Variants in GLRA3 observed in about 807,000 individuals in gnomAD.
GLRA3 encodes glycine receptor alpha 3.
In GLRA3, 44 loss-of-function variants were observed where a neutral mutation model predicts 60.4. That is an observed-to-expected ratio of 0.73 (90% CI 0.57 to 0.94). The LOEUF is 0.94. GLRA3 is among the 40% of genes least tolerant of loss of function. The probability of loss-of-function intolerance (pLI) is 0.00; values close to 1 mark genes in which losing one functional copy is unlikely to be tolerated. For synonymous variants in GLRA3, 223 were observed against 192.9 expected, an observed-to-expected ratio of 1.16 and a Z score of -1.29; for missense variants, 508 against 564.6, an observed-to-expected ratio of 0.90 and a Z score of 1.02.
rs1188077913 is a variant in GLRA3 at position 174,656,602 on chromosome 4, A to G, written c.1116+141T>C. The G allele has an allele frequency of 1.0e-5, 5 of 496,352 alleles. No homozygotes were observed. The East Asian group carries it at 1.2e-4, about 12-fold the overall frequency. 30.7% of individuals were successfully genotyped at this position (496,352 alleles called of 1,614,324 possible). A position where few individuals can be genotyped will look rare whatever the true frequency, so the allele number is the denominator to read the frequency against. Reference sequence around the variant, plus strand: ...AAAAGAAAATACCCTTCTTAGCTGAAGGGGGATGATATTTGCTCAGCTTTC... The same window carrying G: ...AAAAGAAAATACCCTTCTTAGCTGAGGGGGGATGATATTTGCTCAGCTTTC... On this transcript the variant is annotated intron_variant, in intron 9 of 9. Coordinates refer to ENST00000274093, the MANE Select transcript of GLRA3 (RefSeq NM_006529.4).
rs920252673 is a variant in GLRA3, at chr4:174,638,997, G to A, written c.*4789C>T. The A allele has an allele frequency of 6.6e-6, 1 of 152,130 alleles. No individual in the cohort carries two copies. Among genetic ancestry groups the A allele is most frequent in the African/African-American group, 2.4e-5 (1 of 41,430 alleles). The allele number at this position is 152,130 out of a possible 1,614,324, so 9.4% of individuals were successfully genotyped here. A position where few individuals can be genotyped will look rare whatever the true frequency, so the allele number is the denominator to read the frequency against. Reference sequence around the variant, plus strand: ...CCTTAAATGTCTCCTCTTTGTTTATGTGTTAACCACAAAAACTACTGAGAA... The same window carrying A: ...CCTTAAATGTCTCCTCTTTGTTTATATGTTAACCACAAAAACTACTGAGAA... On this transcript the variant is annotated 3_prime_UTR_variant, in exon 10 of 10. Transcript: ENST00000274093.
intron 3 of GLRA3, among the ~76,000 whole-genome samples, chr4:174,755,491 A>G (rs1337607678): frequency 6.6e-6 from 1 of 152,166 alleles, no homozygotes; most frequent in South Asian, 2.1e-4. Flanking sequence ...ACAAAGCCAA[A>G]TAAAGTAGCA....
At chr4:174,771,037 A>T (rs1014262460) in intron 2 of GLRA3, among the ~76,000 whole-genome samples, 6 of 137,378 alleles carry the variant, frequency 4.4e-5, no homozygotes, top group Admixed American at 8.2e-5. Flanking sequence ...AACAATGAGA[A>T]CACATGGACA....
At chr4:174,674,061 T>C (rs1018997719) in intron 7 of GLRA3, among the ~76,000 whole-genome samples, 2 of 152,202 alleles carry the variant, frequency 1.3e-5, no homozygotes, top group Non-Finnish European at 2.9e-5. Context: ...CAGATCATCA[T>C]CTGCTGTGGA....
rs1247130354 is a variant in GLRA3 at position 174,639,366 on chromosome 4, ATGTGTATGTG to A, written c.*4410_*4419del. The A allele has an allele frequency of 3.3e-5, 3 of 91,594 alleles. No individual in the cohort carries two copies. Among genetic ancestry groups the A allele is most frequent in the Admixed American group, 1.5e-4 (1 of 6,714 alleles). 5.7% of individuals were successfully genotyped at this position (91,594 alleles called of 1,614,324 possible). A position where few individuals can be genotyped will look rare whatever the true frequency, so the allele number is the denominator to read the frequency against. On this transcript the variant is annotated 3_prime_UTR_variant, in exon 10 of 10. Transcript: ENST00000274093. ...TAAAGGAATTCATCTCATTACCAAT[ATGTGTATGTG>A]TGTGTGTGTGTGTGTGTGTGTGTGT... is the stretch of plus-strand genomic sequence containing the variant.
At chr4:174,755,969 T>A (rs2111207888) in intron 3 of GLRA3, among the ~76,000 whole-genome samples, 1 of 152,242 alleles carries the variant, frequency 6.6e-6, no homozygotes, top group African/African-American at 2.4e-5. Context: ...AGACTTCTCA[T>A]CTTGCAAGAT....
chr4:174,810,148 A>G (rs1421182376), intron 1 of GLRA3, among the ~76,000 whole-genome samples: 1 of 152,198 alleles, frequency 6.6e-6, no homozygotes, highest in East Asian at 1.9e-4. Context: ...ATGGAACATT[A>G]TAAACCAGAA....
intron 5 of GLRA3, among the ~76,000 whole-genome samples, chr4:174,709,676 T>A (rs1193213155): frequency 3.3e-5 from 5 of 152,008 alleles, no homozygotes. Context: ...GAAACTCTGT[T>A]GAGATTTGAG....
At chr4:174,661,971 C>A (rs914544946) in intron 7 of GLRA3, among the ~76,000 whole-genome samples, 9 of 152,246 alleles carry the variant, frequency 5.9e-5, no homozygotes, top group Middle Eastern at 3.4e-3. Context: ...AATTCAGTAA[C>A]CTTTAAGCAA....
At chr4:174,723,485 C>T (rs1736206268) in intron 4 of GLRA3, among the ~76,000 whole-genome samples, 1 of 152,014 alleles carries the variant, frequency 6.6e-6, no homozygotes, top group African/African-American at 2.4e-5. Context: ...TCCAATAAGA[C>T]TTAAAATAAA....
intron 1 of GLRA3, among the ~76,000 whole-genome samples, chr4:174,818,343 T>C (rs988693028): frequency 4.6e-5 from 7 of 152,224 alleles, no homozygotes; most frequent in African/African-American, 9.6e-5. Flanking sequence ...TATCAAGCTT[T>C]TCCAGTGTAA....
At position 174,829,070 on chromosome 4, in the gene GLRA3, G is replaced by T. The variant is rs1578952114; in HGVS notation, c.-259C>A. The T allele has an allele frequency of 2.4e-6, 1 of 412,424 alleles. No homozygotes were observed. Among genetic ancestry groups the T allele is most frequent in the Admixed American group, 4.0e-5 (1 of 25,080 alleles). 25.5% of individuals were successfully genotyped at this position (412,424 alleles called of 1,614,324 possible). A position where few individuals can be genotyped will look rare whatever the true frequency, so the allele number is the denominator to read the frequency against. On this transcript the variant is annotated 5_prime_UTR_variant, in exon 1 of 10. Transcript: ENST00000274093. ...CAAAAATGAGTGAGATGAAATGTCT[G>T]AAGTGCCTAGGTGCTGGGCAACAGT...
chr4:174,671,362 G>C (rs67671118), intron 7 of GLRA3, among the ~76,000 whole-genome samples: 18,259 of 152,002 alleles, frequency 0.12, 1,388 homozygotes, highest in Middle Eastern at 0.19. Flanking sequence ...CTAACACAAT[G>C]TACTCTCCTT....
intron 1 of GLRA3, among the ~76,000 whole-genome samples, chr4:174,798,046 T>C (rs1022697444): frequency 2.0e-5 from 3 of 152,192 alleles, no homozygotes; most frequent in African/African-American, 7.2e-5. Context: ...GTATCTCTGC[T>C]AAATACACCT....
chr4:174,823,575 T>C (rs1438183249), intron 1 of GLRA3, among the ~76,000 whole-genome samples: 1 of 151,960 alleles, frequency 6.6e-6, no homozygotes, highest in Non-Finnish European at 1.5e-5. Flanking sequence ...TTAATGCAAG[T>C]ATATAAATAA....
At position 174,728,541 on chromosome 4, in the gene GLRA3, T is replaced by C. The variant is rs1296753300; in HGVS notation, c.425A>G (p.His142Arg). ...CAATTTGTTGTCTGTAGTGACTTCA[T>C]GAAAGTTGGCACCCTTTTCATTGGC... ...FFANEKGANF[H>R]EVTTDNKLLR... The change falls in exon 4 of 10, where the codon CAT becomes CGT. Residue 142 changes from histidine (H) to arginine (R), a missense_variant. This residue lies in a region of GLRA3 where 329 missense variants were observed against 349.3 expected (regional missense o/e 0.94). Transcript: ENST00000274093. The C allele has an allele frequency of 6.2e-7, 1 of 1,613,592 alleles. No homozygotes were observed. The highest frequency in any genetic ancestry group is 1.1e-5 in the South Asian group (1 of 91,062).
intron 2 of GLRA3, among the ~76,000 whole-genome samples, chr4:174,772,883 TGGA>T (rs1738447692): frequency 6.6e-6 from 1 of 152,132 alleles, no homozygotes. Context: ...TGACAGTCCT[TGGA>T]GATAGATTAC....
chr4:174,645,850 A>G (rs1044864878), intron 9 of GLRA3, among the ~76,000 whole-genome samples: 1 of 152,312 alleles, frequency 6.6e-6, no homozygotes, highest in African/African-American at 2.4e-5. Flanking sequence ...TATTTGCCTT[A>G]AAGTTTTCCA....
At chr4:174,708,007 G>A (rs1185979389) in intron 5 of GLRA3, among the ~76,000 whole-genome samples, 1 of 152,128 alleles carries the variant, frequency 6.6e-6, no homozygotes, top group Non-Finnish European at 1.5e-5. Context: ...TAAGTAGCGA[G>A]TTCATTACTG....
Sources: gnomAD v4.1 joint callset for allele counts (sites outside exome capture counted in the v4.1 genomes callset) on GRCh38, gnomAD v4.1.1 for gene constraint, gnomAD v4.1.1 regional missense constraint, MANE v1.5 for transcripts, NCBI Gene and HGNC (gene_info 2026-07-23, HGNC 2026-07-21) for gene names.